RNF144A: variants seen among roughly 807,000 people sequenced by gnomAD.
RNF144A encodes the protein ring finger protein 144A.
A neutral mutation model predicts 38.7 loss-of-function variants in RNF144A; 11 were observed. The ratio of observed to expected loss-of-function variants is 0.28; its 90% CI spans 0.18 to 0.47. The LOEUF is 0.47. RNF144A is among the 20% of genes least tolerant of loss of function. RNF144A has a pLI of 0.99. For missense variants in RNF144A, 316 were observed against 377.2 expected (o/e 0.84, Z 1.34); for synonymous variants, 149 against 143.9 (o/e 1.04, Z -0.25).
intron 2 of RNF144A, among the ~76,000 whole-genome samples, chr2:6,985,298 A>G (rs1255981773): frequency 5.0e-5 from 7 of 140,854 alleles, no homozygotes; most frequent in South Asian, 2.3e-4. Context: ...TTTTTTAACA[A>G]TGAGAAGATC....
intron 3 of RNF144A, among the ~76,000 whole-genome samples, chr2:6,998,946 A>G (rs1364005286): frequency 1.3e-5 from 2 of 152,232 alleles, no homozygotes; most frequent in Non-Finnish European, 2.9e-5. Flanking sequence ...GCCTGCTGTC[A>G]GAGGCCATAG....
chr2:6,984,464 G>A (rs541284745), intron 2 of RNF144A, among the ~76,000 whole-genome samples: 7 of 152,028 alleles, frequency 4.6e-5, no homozygotes, highest in South Asian at 2.1e-4. Context: ...CACCACATCC[G>A]CGCTAATTTT....
At chr2:6,931,292 A>C (rs1013926865) in intron 1 of RNF144A, among the ~76,000 whole-genome samples, 1 of 152,264 alleles carries the variant, frequency 6.6e-6, no homozygotes. Context: ...TCATCTCTAA[A>C]GTGAGAATTG....
intron 1 of RNF144A, among the ~76,000 whole-genome samples, chr2:6,924,979 G>A (rs548894935): frequency 9.1e-4 from 139 of 152,268 alleles, no homozygotes; most frequent in Admixed American, 1.6e-3. Flanking sequence ...GCTCTTTGAC[G>A]GATGGAGAAT....
At chr2:7,004,569 T>G (rs1030611323) in intron 3 of RNF144A, among the ~76,000 whole-genome samples, 3 of 152,232 alleles carry the variant, frequency 2.0e-5, no homozygotes, top group Admixed American at 6.5e-5. Context: ...ATTCTTGATT[T>G]GAAACTTATC....
chr2:6,987,881 C>T (rs758420837), intron 2 of RNF144A, among the ~76,000 whole-genome samples: 1 of 152,244 alleles, frequency 6.6e-6, no homozygotes, highest in Admixed American at 6.5e-5. Context: ...GTATTTCTTA[C>T]GAAGCTTTAA....
chr2:7,048,021 G>T (rs1425352164), downstream of RNF144A, among the ~76,000 whole-genome samples: 1 of 152,174 alleles, frequency 6.6e-6, no homozygotes, highest in Non-Finnish European at 1.5e-5. Flanking sequence ...TCTCAGCCAT[G>T]TGGGGTGGTT....
chr2:6,993,984 G>GA (rs1300313797), intron 2 of RNF144A, among the ~76,000 whole-genome samples: 2 of 151,880 alleles, frequency 1.3e-5, no homozygotes, highest in Non-Finnish European at 2.9e-5. Context: ...TTTACAGAGG[G>GA]AAAAAACAAA....
chr2:6,952,217 T>C (rs1666729365), intron 2 of RNF144A, among the ~76,000 whole-genome samples: 1 of 152,164 alleles, frequency 6.6e-6, no homozygotes, highest in South Asian at 2.1e-4. Flanking sequence ...TATATTCCAA[T>C]GTTAAATTCT....
At chr2:7,039,543 G>T in intron 8 of RNF144A, 86 bp from the exon 9 acceptor site, 1 of 1,552,040 alleles carries the variant, frequency 6.4e-7, no homozygotes, top group Non-Finnish European at 8.7e-7. Context: ...TGGATGGATG[G>T]GTAGCTGGTT....
At position 6,945,310 on chromosome 2, in the gene RNF144A, T is replaced by C. The variant is rs114436915; in HGVS notation, c.-12+4163T>C. 2.0e-3 allele frequency among the ~76,000 whole-genome samples: 310 copies of C among 152,356 alleles called. 3 individuals are homozygous for C. Among genetic ancestry groups the C allele is most frequent in the Non-Finnish European group, 1.5e-3 (103 of 68,034 alleles). On this transcript the variant is annotated intron_variant, in intron 2 of 8. Coordinates refer to ENST00000320892, the MANE Select transcript of RNF144A (RefSeq NM_014746.6). ...AGAAATGGAAACAGAGATGCTCTTC[T>C]GAGATGCAGCGGCTGATGGTATTGT...
At chr2:6,984,327 G>T (rs1451411685) in intron 2 of RNF144A, among the ~76,000 whole-genome samples, 1 of 151,692 alleles carries the variant, frequency 6.6e-6, no homozygotes, top group Non-Finnish European at 1.5e-5. Context: ...TTCCAAGAAG[G>T]AGTCTTGCTC....
At chr2:7,068,033 C>T (rs559789946) in intron 6 of RNF144A, among the ~76,000 whole-genome samples, 9 of 152,304 alleles carry the variant, frequency 5.9e-5, no homozygotes, top group African/African-American at 2.2e-4. Flanking sequence ...TGGTCCCCAC[C>T]CTGCTCCTTG....
Position 7,040,724 on chromosome 2 carries a change from C to T in RNF144A, c.*964C>T, listed in dbSNP as rs1558457837. On this transcript the variant is annotated 3_prime_UTR_variant, in exon 9 of 9. Coordinates refer to ENST00000320892, the MANE Select transcript of RNF144A (RefSeq NM_014746.6). ...AGAAGAAAGCAGCCTCATTGATCCG[C>T]AGATGTAGGGGCCTCTTGGCAGAGG... The T allele has an allele frequency of 1.0e-6, 1 of 985,344 alleles. No individual in the cohort carries two copies. The highest frequency in any genetic ancestry group is 1.2e-6 in the Non-Finnish European group (1 of 829,942). 61.0% of individuals were successfully genotyped at this position (985,344 alleles called of 1,614,324 possible).
chr2:7,032,113 C>T (rs1324222663), intron 8 of RNF144A, among the ~76,000 whole-genome samples: 2 of 152,288 alleles, frequency 1.3e-5, no homozygotes, highest in African/African-American at 4.8e-5. Flanking sequence ...CCATGGCGTA[C>T]TGCCCTCTGG....
intron 4 of RNF144A, 23 bp from the exon 5 acceptor site, chr2:7,014,689 G>A (rs1323498343): frequency 1.3e-6 from 2 of 1,583,148 alleles, no homozygotes; most frequent in South Asian, 2.2e-5. Context: ...TATCATTCCT[G>A]TTTGCATTTT....
intron 1 of RNF144A, among the ~76,000 whole-genome samples, chr2:6,928,825 T>G (rs1465117925): frequency 1.3e-5 from 2 of 152,240 alleles, no homozygotes; most frequent in Non-Finnish European, 2.9e-5. Context: ...TGCTTTTTCC[T>G]GCATTCCCAG....
intron 2 of RNF144A, among the ~76,000 whole-genome samples, chr2:6,946,546 T>G (rs538037756): frequency 1.3e-5 from 2 of 152,152 alleles, no homozygotes; most frequent in African/African-American, 2.4e-5. Context: ...CATAAATATA[T>G]AGTCAATGTA....
At chr2:6,966,732 A>G (rs1226590261) in intron 2 of RNF144A, among the ~76,000 whole-genome samples, 1 of 152,232 alleles carries the variant, frequency 6.6e-6, no homozygotes, top group African/African-American at 2.4e-5. Context: ...TTCAACTTTA[A>G]TAGGATAATA....
Sources: allele counts gnomAD v4.1 joint callset (sites outside exome capture counted in the v4.1 genomes callset), GRCh38; gene constraint gnomAD v4.1.1; transcripts MANE v1.5; gene names NCBI Gene and HGNC (gene_info 2026-07-23, HGNC 2026-07-21).